ARHGAP6: variants seen among roughly 807,000 people sequenced by gnomAD.
ARHGAP6 encodes the protein rho GTPase-activating protein 6.
ARHGAP6 carries 16 observed loss-of-function variants against 55.7 expected under a neutral mutation model. The observed-to-expected ratio is 0.29, with a 90% CI of 0.19 to 0.44. The LOEUF (loss-of-function observed/expected upper bound fraction) is 0.44, where lower values mean the gene tolerates loss of function less well. ARHGAP6 is among the 20% of genes least tolerant of loss of function. The probability of loss-of-function intolerance (pLI) is 1.00; values close to 1 mark genes in which losing one functional copy is unlikely to be tolerated. For synonymous variants in ARHGAP6, 382 were observed against 360.9 expected, an observed-to-expected ratio of 1.06 and a Z score of -0.66; for missense variants, 698 against 808.9, an observed-to-expected ratio of 0.86 and a Z score of 1.66.
intron 1 of ARHGAP6, among the ~76,000 whole-genome samples, chrX:11,487,297 T>A (rs1353426279): frequency 8.9e-6 from 1 of 112,166 alleles, no homozygotes; most frequent in African/African-American, 3.2e-5. Context: ...TCTTGGTTTC[T>A]AAATACCATT....
chrX:11,354,335 A>C (rs891294814), intron 1 of ARHGAP6, among the ~76,000 whole-genome samples: 347 of 84,330 alleles, frequency 4.1e-3, no homozygotes, highest in Admixed American at 5.6e-3. Flanking sequence ...CTCTATATAT[A>C]TATATATATA....
intron 1 of ARHGAP6, among the ~76,000 whole-genome samples, chrX:11,277,047 C>T (rs912434717): frequency 1.8e-5 from 2 of 111,061 alleles, no homozygotes; most frequent in African/African-American, 3.3e-5. Flanking sequence ...CCCTCTCACC[C>T]CAGCCCCTGG....
chrX:11,368,870 T>C (rs753457559), intron 1 of ARHGAP6, among the ~76,000 whole-genome samples: 3 of 112,065 alleles, frequency 2.7e-5, no homozygotes, highest in East Asian at 2.8e-4. Context: ...AGACTTTAAA[T>C]TTCCTGTCTC....
chrX:11,637,943 T>C (rs1473214314), intron 1 of ARHGAP6, among the ~76,000 whole-genome samples: 2 of 111,441 alleles, frequency 1.8e-5, no homozygotes, highest in East Asian at 5.6e-4. Flanking sequence ...AAATCAGCTG[T>C]TTTTATCAAA....
chrX:11,283,405 C>T (rs2047883322), intron 1 of ARHGAP6, among the ~76,000 whole-genome samples: 1 of 111,389 alleles, frequency 9.0e-6, no homozygotes, highest in Non-Finnish European at 1.9e-5. Flanking sequence ...TGACTGGATT[C>T]CTTCCAAGAT....
At chrX:11,619,568 T>G (rs2052204273) in intron 1 of ARHGAP6, among the ~76,000 whole-genome samples, 1 of 112,398 alleles carries the variant, frequency 8.9e-6, no homozygotes, top group African/African-American at 3.2e-5. Flanking sequence ...AGGTATTTGA[T>G]TTCTTCACTT....
intron 1 of ARHGAP6, among the ~76,000 whole-genome samples, chrX:11,610,061 A>T (rs1350084659): frequency 9.2e-6 from 1 of 108,981 alleles, no homozygotes; most frequent in African/African-American, 3.4e-5. Flanking sequence ...TTGAGCTGCC[A>T]CGTTCAAGTG....
intron 1 of ARHGAP6, among the ~76,000 whole-genome samples, chrX:11,455,651 C>T (rs2050187937): frequency 1.8e-5 from 2 of 112,149 alleles, no homozygotes; most frequent in African/African-American, 6.5e-5. Context: ...TTATTTTCCT[C>T]TTTTCCATCT....
intron 1 of ARHGAP6, chrX:11,334,729 A>G (rs770219512): frequency 4.3e-6 from 1 of 233,229 alleles, no homozygotes; most frequent in South Asian, 6.8e-5. Flanking sequence ...GCTCTGTTCA[A>G]TGAAGTTGCA....
chrX:11,389,880 C>T (rs1403335926), intron 1 of ARHGAP6, among the ~76,000 whole-genome samples: 3 of 111,724 alleles, frequency 2.7e-5, no homozygotes, highest in African/African-American at 9.8e-5. Flanking sequence ...TATCATGCAT[C>T]CCAGTCTCTG....
chrX:11,495,096 G>T (rs1351177517), intron 1 of ARHGAP6, among the ~76,000 whole-genome samples: 1 of 112,063 alleles, frequency 8.9e-6, no homozygotes, highest in Non-Finnish European at 1.9e-5. Flanking sequence ...TAATGTTTGA[G>T]CCAAGTAAAG....
At chrX:11,144,964 T>G (rs2045669836) in intron 10 of ARHGAP6, 1 of 112,796 alleles carries the variant, frequency 8.9e-6, no homozygotes, top group Admixed American at 9.4e-5. Context: ...ACCATTATCA[T>G]AGTTCTGTGT....
intron 8 of ARHGAP6, among the ~76,000 whole-genome samples, chrX:11,177,469 T>C (rs1363388777): frequency 1.8e-5 from 2 of 111,051 alleles, no homozygotes; most frequent in Non-Finnish European, 3.8e-5. Context: ...GAGCAGTTGA[T>C]ACCATGTGAC....
rs73500882 is a variant in ARHGAP6 at position 11,460,908 on chromosome X, T to G, written c.588+203333A>C. ...AGCTTATTTATTAGTCAGGTAAGGT[T>G]ATGCTGGGGTAACAAATTAACCATG... On this transcript the variant is annotated intron_variant, in intron 1 of 12. Coordinates refer to ENST00000337414, the MANE Select transcript of ARHGAP6 (RefSeq NM_013427.3). Among the ~76,000 whole-genome samples, 715 of 112,020 alleles carry G rather than the reference T, an allele frequency of 6.4e-3. 4 individuals carry two copies. Among genetic ancestry groups the G allele is most frequent in the African/African-American group, 0.022 (673 of 30,812 alleles).
At chrX:11,463,903 C>T (rs1569354379) in intron 1 of ARHGAP6, among the ~76,000 whole-genome samples, 1 of 112,422 alleles carries the variant, frequency 8.9e-6, no homozygotes, top group Non-Finnish European at 1.9e-5. Flanking sequence ...GCCAAAGCAA[C>T]AGCCATCTTA....
At chrX:11,646,196 T>C (rs893855476) in intron 1 of ARHGAP6, among the ~76,000 whole-genome samples, 1 of 111,418 alleles carries the variant, frequency 9.0e-6, no homozygotes, top group African/African-American at 3.3e-5. Flanking sequence ...GAGAACAGCA[T>C]AGGGGAAATC....
At chrX:11,543,024 G>GA (rs778203052) in intron 1 of ARHGAP6, among the ~76,000 whole-genome samples, 15 of 111,206 alleles carry the variant, frequency 1.3e-4, no homozygotes, top group African/African-American at 3.9e-4. Flanking sequence ...CTTTGGGTAG[G>GA]AAAAAAAATT....
At chrX:11,595,356 G>C (rs6530443) in intron 1 of ARHGAP6, among the ~76,000 whole-genome samples, 19,078 of 108,270 alleles carry the variant, frequency 0.18, 1,500 homozygotes, top group African/African-American at 0.25. Context: ...ATGGTATTGG[G>C]AAAACTGGCT....
chrX:11,313,184 T>C (rs766815065), intron 1 of ARHGAP6, among the ~76,000 whole-genome samples: 2 of 112,476 alleles, frequency 1.8e-5, no homozygotes, highest in South Asian at 7.4e-4. Flanking sequence ...AATTCCTGCC[T>C]GGGCAGTCTG....
Sources: gnomAD v4.1 joint callset for allele counts (sites outside exome capture counted in the v4.1 genomes callset) on GRCh38, gnomAD v4.1.1 for gene constraint, MANE v1.5 for transcripts, NCBI Gene and HGNC (gene_info 2026-07-23, HGNC 2026-07-21) for gene names.